The following GPC5 variants were observed in gnomAD, a reference collection of about 807,000 sequenced individuals.
GPC5 encodes glypican 5.
In GPC5, 47 loss-of-function variants were observed where a neutral mutation model predicts 53.9. That is an observed-to-expected ratio of 0.87 (90% CI 0.69 to 1.11). The LOEUF (loss-of-function observed/expected upper bound fraction) is 1.11, where lower values mean the gene tolerates loss of function less well. Among genes scored for constraint, GPC5 ranks in the 50% most tolerant of loss-of-function variants. The pLI is 0.00. For synonymous variants in GPC5, 286 were observed against 263.3 expected (o/e 1.09, Z -0.84); for missense variants, 748 against 713.1 (o/e 1.05, Z -0.56).
At position 91,497,417 on chromosome 13, in the gene GPC5, A is replaced by G. The variant is rs1389684859; in HGVS notation, c.325+48495A>G. Among the ~76,000 whole-genome samples the G allele has an allele frequency of 3.3e-5, 5 of 152,262 alleles. No homozygotes were observed. In the East Asian group the frequency reaches 5.8e-4, roughly 18 times the overall value. The stretch of plus-strand genomic sequence containing the variant: ...TGTACTGTTCTCTAAATAATGGCTC[A>G]TTATTTTTCTACTTGTTGTAATTCC... On this transcript the variant is annotated intron_variant, in intron 2 of 7. Transcript: ENST00000377067.
intron 7 of GPC5, among the ~76,000 whole-genome samples, chr13:92,748,528 G>T (rs1218927595): frequency 6.6e-6 from 1 of 151,670 alleles, no homozygotes; most frequent in Admixed American, 6.6e-5. Flanking sequence ...TCACCATCTT[G>T]GCCAGGCTGG....
rs1002293592 is a variant in GPC5 at position 91,596,946 on chromosome 13, C to T, written c.326-96241C>T. ...CATTGAATCTCTGAAGTTCTCTCAC[C>T]TTTTTGATGTTGTCTTGCAAACTCT... On this transcript the variant is annotated intron_variant, in intron 2 of 7. Coordinates refer to ENST00000377067, the MANE Select transcript of GPC5 (RefSeq NM_004466.6). Among the ~76,000 whole-genome samples the T allele has an allele frequency of 2.6e-5, 4 of 152,120 alleles. No individual in the cohort carries two copies. In the East Asian group the frequency reaches 5.8e-4, roughly 22 times the overall value.
chr13:92,478,514 G>A lies in GPC5; in HGVS notation c.1561+333525G>A, dbSNP rs187144732. Among the ~76,000 whole-genome samples, 125 of 152,258 alleles carry A rather than the reference G, an allele frequency of 8.2e-4. 1 individual carries two copies. The South Asian group carries it at 9.3e-3, about 11-fold the overall frequency. On this transcript the variant is annotated intron_variant, in intron 7 of 7. Transcript: ENST00000377067. ...TCATTATCTGCAAAAGTGATAATTC[G>A]CTAAAAATGTATGCCTAACTTGGTA...
intron 7 of GPC5, among the ~76,000 whole-genome samples, chr13:92,173,167 C>A (rs1259733642): frequency 6.6e-6 from 1 of 151,806 alleles, no homozygotes; most frequent in African/African-American, 2.4e-5. Context: ...CAACTAAACT[C>A]CCATTTGACT....
intron 4 of GPC5, among the ~76,000 whole-genome samples, chr13:91,750,953 C>T (rs1000465556): frequency 1.4e-4 from 20 of 144,890 alleles, no homozygotes; most frequent in Middle Eastern, 7.0e-3. Flanking sequence ...TGAGCCATTG[C>T]GCCTGGCCGG....
intron 2 of GPC5, among the ~76,000 whole-genome samples, chr13:91,548,028 C>A (rs2030398180): frequency 6.6e-6 from 1 of 152,086 alleles, no homozygotes; most frequent in African/African-American, 2.4e-5. Flanking sequence ...TGAAGAGAAA[C>A]TAGAAGCTTT....
intron 7 of GPC5, among the ~76,000 whole-genome samples, chr13:92,388,358 C>G (rs1874840106): frequency 6.6e-6 from 1 of 151,984 alleles, no homozygotes; most frequent in African/African-American, 2.4e-5. Flanking sequence ...ACTGTAATCT[C>G]TGGTAACTAA....
intron 7 of GPC5, among the ~76,000 whole-genome samples, chr13:92,264,588 C>A (rs915181816): frequency 3.3e-5 from 5 of 151,952 alleles, no homozygotes; most frequent in African/African-American, 1.2e-4. Flanking sequence ...ACACCAAGAA[C>A]CTGGATGACT....
At chr13:92,786,629 G>C (rs1405879551) in intron 7 of GPC5, among the ~76,000 whole-genome samples, 1 of 152,072 alleles carries the variant, frequency 6.6e-6, no homozygotes, top group Non-Finnish European at 1.5e-5. Context: ...GTCATGCTTT[G>C]AACTTCCCCA....
At chr13:92,471,852 T>C (rs61973634) in intron 7 of GPC5, among the ~76,000 whole-genome samples, 10,010 of 152,156 alleles carry the variant, frequency 0.066, 399 homozygotes, top group Middle Eastern at 0.12. Flanking sequence ...AGACTCAAAA[T>C]GTGGAGCTGG....
Position 91,398,979 on chromosome 13 carries a change from G to A in GPC5, c.-68G>A, listed in dbSNP as rs540589171. On this transcript the variant is annotated 5_prime_UTR_variant, in exon 1 of 8. Transcript: ENST00000377067. ...CTCGGCCGCTGTGTCTTCCACGTCT[G>A]CAGCTCAGCCAGGGCGCGCAGGGCG... 2.7e-6 allele frequency: 4 copies of A among 1,500,744 alleles called. No homozygotes were observed. The East Asian group carries it at 1.0e-4, about 37-fold the overall frequency. The allele number at this position is 1,500,744 out of a possible 1,614,324, so 93.0% of individuals were successfully genotyped here.
chr13:92,700,533 G>A, intron 7 of GPC5, among the ~76,000 whole-genome samples: 1 of 152,004 alleles, frequency 6.6e-6, no homozygotes, highest in East Asian at 1.9e-4. Flanking sequence ...TTTCTTCATA[G>A]CATCAATGTT....
intron 2 of GPC5, among the ~76,000 whole-genome samples, chr13:91,470,519 G>A (rs767002993): frequency 3.9e-5 from 6 of 152,108 alleles, no homozygotes; most frequent in East Asian, 1.9e-4. Context: ...GCATCGGAGC[G>A]CATATTGGAT....
chr13:92,684,411 C>T (rs946604338), intron 7 of GPC5, among the ~76,000 whole-genome samples: 1 of 152,086 alleles, frequency 6.6e-6, no homozygotes, highest in African/African-American at 2.4e-5. Context: ...GCTGGGACTA[C>T]AGGCGTGCAT....
At chr13:91,824,459 G>A (rs2038544677) in intron 5 of GPC5, among the ~76,000 whole-genome samples, 1 of 152,042 alleles carries the variant, frequency 6.6e-6, no homozygotes, top group African/African-American at 2.4e-5. Flanking sequence ...ATCCAGTTTT[G>A]CAACATGGCA....
intron 2 of GPC5, among the ~76,000 whole-genome samples, chr13:91,500,849 G>T (rs1239297055): frequency 6.6e-6 from 1 of 152,132 alleles, no homozygotes; most frequent in African/African-American, 2.4e-5. Flanking sequence ...GGAGATAATT[G>T]GCTCATAGGG....
At chr13:92,818,471 G>T (rs2138807245) in intron 7 of GPC5, among the ~76,000 whole-genome samples, 1 of 152,020 alleles carries the variant, frequency 6.6e-6, no homozygotes, top group African/African-American at 2.4e-5. Flanking sequence ...CCTTCTGCAG[G>T]GAAGGAGTTA....
chr13:92,639,997 T>C (rs1050126000), intron 7 of GPC5, among the ~76,000 whole-genome samples: 5 of 151,702 alleles, frequency 3.3e-5, no homozygotes, highest in African/African-American at 1.2e-4. Flanking sequence ...TCTCACTCTC[T>C]CTCACTCTCC....
At chr13:91,842,422 GC>G (rs1054765073) in intron 5 of GPC5, among the ~76,000 whole-genome samples, 5 of 147,288 alleles carry the variant, frequency 3.4e-5, no homozygotes, top group African/African-American at 7.6e-5. Context: ...ATGTTATTTA[GC>G]CGGGCGCGGT....
Sources: gnomAD v4.1 joint callset for allele counts (sites outside exome capture counted in the v4.1 genomes callset) on GRCh38, gnomAD v4.1.1 for gene constraint, MANE v1.5 for transcripts, NCBI Gene and HGNC (gene_info 2026-07-23, HGNC 2026-07-21) for gene names.